Variants in NEGR1 observed in about 807,000 individuals in gnomAD.
NEGR1 encodes the protein IgLON family member 4.
A neutral mutation model predicts 40.9 loss-of-function variants in NEGR1; 10 were observed. The observed-to-expected ratio is 0.24, with a 90% CI of 0.15 to 0.42. The LOEUF is 0.42. Among genes scored for constraint, NEGR1 ranks in the 10% least tolerant of loss-of-function variants. NEGR1 has a pLI of 1.00. For synonymous variants in NEGR1, 185 were observed against 166.8 expected (o/e 1.11, Z -0.84); for missense variants, 352 against 438.9 (o/e 0.80, Z 1.77).
At chr1:71,759,963 T>A (rs1157272512) in intron 3 of NEGR1, among the ~76,000 whole-genome samples, 1 of 152,076 alleles carries the variant, frequency 6.6e-6, no homozygotes, top group East Asian at 1.9e-4. Flanking sequence ...ATCACTTACA[T>A]ACTACTTTCC....
chr1:71,966,680 T>G (rs1461439367), intron 1 of NEGR1, among the ~76,000 whole-genome samples: 1 of 152,120 alleles, frequency 6.6e-6, no homozygotes, highest in African/African-American at 2.4e-5. Context: ...GAATTTTCAG[T>G]GAAACAAAGG....
chr1:72,126,091 A>ATGTG (rs67552146), intron 1 of NEGR1, among the ~76,000 whole-genome samples: 2,482 of 146,720 alleles, frequency 0.017, 39 homozygotes, highest in African/African-American at 0.043. Context: ...AGAGAAAAGT[A>ATGTG]TGTGTGTGTG....
intron 4 of NEGR1, among the ~76,000 whole-genome samples, chr1:71,670,891 AACACACACACACACAT>A (rs1652401282): frequency 6.6e-6 from 1 of 150,674 alleles, no homozygotes; most frequent in African/African-American, 2.5e-5. Context: ...GCTAACTCAC[AACACACACACACACAT>A]ACACACACAC....
At chr1:72,014,795 C>T (rs1357353607) in intron 1 of NEGR1, among the ~76,000 whole-genome samples, 2 of 151,930 alleles carry the variant, frequency 1.3e-5, no homozygotes, top group Non-Finnish European at 2.9e-5. Flanking sequence ...CCTCATTAAA[C>T]CAGAAATACC....
intron 6 of NEGR1, among the ~76,000 whole-genome samples, chr1:71,545,568 C>T (rs1248359153): frequency 6.6e-6 from 1 of 151,602 alleles, no homozygotes; most frequent in Non-Finnish European, 1.5e-5. Flanking sequence ...CTTTCTGTCC[C>T]CTTCTTGAGA....
At chr1:72,131,744 G>T (rs950159229) in intron 1 of NEGR1, among the ~76,000 whole-genome samples, 2 of 152,154 alleles carry the variant, frequency 1.3e-5, no homozygotes, top group African/African-American at 4.8e-5. Context: ...TGCATTTACA[G>T]GTTATGTCTA....
chr1:71,838,176 C>T (rs772905557), intron 2 of NEGR1, among the ~76,000 whole-genome samples: 5 of 151,904 alleles, frequency 3.3e-5, no homozygotes, highest in Admixed American at 6.6e-5. Flanking sequence ...CGTTAGTATA[C>T]GCTTTTGAGA....
chr1:71,932,874 T>G (rs1309990427), intron 2 of NEGR1, among the ~76,000 whole-genome samples: 1 of 152,102 alleles, frequency 6.6e-6, no homozygotes, highest in Non-Finnish European at 1.5e-5. Flanking sequence ...GAAATGTAGC[T>G]TAAGTGGGGT....
intron 1 of NEGR1, among the ~76,000 whole-genome samples, chr1:72,264,491 CTAGA>C (rs955156773): frequency 1.6e-4 from 24 of 150,352 alleles, no homozygotes; most frequent in African/African-American, 4.8e-4. Context: ...CATTAAATAG[CTAGA>C]TATTCTATAT....
chr1:72,212,658 C>A (rs1653654339), intron 1 of NEGR1, among the ~76,000 whole-genome samples: 1 of 151,804 alleles, frequency 6.6e-6, no homozygotes, highest in South Asian at 2.1e-4. Context: ...AAGTAATAAT[C>A]CAAATAGTAA....
At chr1:71,616,508 C>T (rs528808962) in intron 4 of NEGR1, among the ~76,000 whole-genome samples, 1 of 152,146 alleles carries the variant, frequency 6.6e-6, no homozygotes, top group Non-Finnish European at 1.5e-5. Flanking sequence ...CATAATAAAT[C>T]AATTGCTTGC....
chr1:71,544,253 C>A (rs1242505597), intron 6 of NEGR1, among the ~76,000 whole-genome samples: 1 of 151,566 alleles, frequency 6.6e-6, no homozygotes, highest in Admixed American at 6.6e-5. Context: ...ATTAGTTTTG[C>A]ATCAAAAGTG....
At chr1:72,266,862 G>A (rs1360280287) in intron 1 of NEGR1, among the ~76,000 whole-genome samples, 1 of 150,506 alleles carries the variant, frequency 6.6e-6, no homozygotes, top group Non-Finnish European at 1.5e-5. Context: ...ATCAATTGAT[G>A]AGGAGGAAAA....
intron 6 of NEGR1, among the ~76,000 whole-genome samples, chr1:71,455,435 T>C (rs971875997): frequency 3.3e-5 from 5 of 152,166 alleles, no homozygotes; most frequent in African/African-American, 1.2e-4. Context: ...TGAATTAAGA[T>C]CTTTTGACTG....
At chr1:72,212,026 A>C (rs1377096149) in intron 1 of NEGR1, among the ~76,000 whole-genome samples, 1 of 152,016 alleles carries the variant, frequency 6.6e-6, no homozygotes, top group Non-Finnish European at 1.5e-5. Context: ...CAGAGTTATC[A>C]GATGAAATGC....
At chr1:72,040,750 G>A (rs1646946247) in intron 1 of NEGR1, among the ~76,000 whole-genome samples, 1 of 151,766 alleles carries the variant, frequency 6.6e-6, no homozygotes, top group African/African-American at 2.4e-5. Context: ...CTAAGGATGT[G>A]CAGATTATGA....
At chr1:71,979,829 TG>T (rs1249988125) in intron 1 of NEGR1, among the ~76,000 whole-genome samples, 4 of 152,018 alleles carry the variant, frequency 2.6e-5, no homozygotes, top group African/African-American at 9.7e-5. Context: ...AGGGGTGGGC[TG>T]AAAAAAAGAC....
At chr1:71,790,687 C>G (rs1273236481) in intron 2 of NEGR1, among the ~76,000 whole-genome samples, 1 of 152,006 alleles carries the variant, frequency 6.6e-6, no homozygotes, top group Non-Finnish European at 1.5e-5. Flanking sequence ...AATACAAGCT[C>G]CCTGTCATCA....
At chr1:72,201,004 T>A (rs1653185580) in intron 1 of NEGR1, among the ~76,000 whole-genome samples, 1 of 151,848 alleles carries the variant, frequency 6.6e-6, no homozygotes, top group African/African-American at 2.4e-5. Flanking sequence ...TATACTATTA[T>A]AAAATGATTT....
Sources: allele counts gnomAD v4.1 joint callset (sites outside exome capture counted in the v4.1 genomes callset), GRCh38; gene constraint gnomAD v4.1.1; transcripts MANE v1.5; gene names NCBI Gene and HGNC (gene_info 2026-07-23, HGNC 2026-07-21).